Variants in MRPS30 observed in about 807,000 individuals in gnomAD.
The protein encoded by MRPS30 is mitochondrial ribosomal protein S30, also known as large ribosomal subunit protein mL65.
Under a neutral mutation model 43.8 loss-of-function variants are expected in MRPS30, and 42 were observed. That is an observed-to-expected ratio of 0.96 (90% confidence interval 0.75 to 1.24). The LOEUF (loss-of-function observed/expected upper bound fraction) is 1.24, where lower values mean the gene tolerates loss of function less well. Ranked by LOEUF, MRPS30 falls within the 50% of genes most tolerant of loss-of-function variation. The pLI, the probability that MRPS30 is intolerant of heterozygous loss-of-function variation, is 0.00. For missense variants in MRPS30, 638 were observed against 570.0 expected, an observed-to-expected ratio of 1.12 and a Z score of -1.22; for synonymous variants, 273 against 228.2, an observed-to-expected ratio of 1.20 and a Z score of -1.77.
At position 44,811,940 on chromosome 5, in the gene MRPS30, C is replaced by T. The variant is rs770954539; in HGVS notation, c.773C>T (p.Pro258Leu). ...TTTGTGCCATTGGATTATTCTGTTC[C>T]TATAGAAATCCCCACTATAAAATGT... The part of the protein sequence containing the change: ...AEFVPLDYSV[P>L]IEIPTIKCKP... The change falls in exon 3 of 5, where the codon CCT (proline) becomes CTT (leucine). Residue 258 changes from proline (P) to leucine (L), a missense_variant. Coordinates refer to ENST00000507110, the MANE Select transcript of MRPS30 (RefSeq NM_016640.4). The T allele has an allele frequency of 1.3e-6, 2 of 1,588,742 alleles. No individual in the cohort carries two copies. Among genetic ancestry groups the T allele is most frequent in the African/African-American group, 1.4e-5 (1 of 73,730 alleles).
At chr5:44,814,811 A>T in intron 4 of MRPS30, 102 bp from the exon 5 acceptor site, 1 of 1,045,714 alleles carries the variant, frequency 9.6e-7, no homozygotes, top group Non-Finnish European at 1.4e-6. Flanking sequence ...TAAAGTATCT[A>T]AGTTGTAGGA....
intron 2 of MRPS30, among the ~76,000 whole-genome samples, 196 bp downstream of exon 2, chr5:44,811,350 A>G (rs1742837151): frequency 6.6e-6 from 1 of 152,226 alleles, no homozygotes; most frequent in African/African-American, 2.4e-5. Context: ...TAAAGGTCAG[A>G]TAACCATTTT....
chr5:44,809,180 C>G lies in MRPS30; in HGVS notation c.218C>G (p.Ala73Gly), dbSNP rs764183423. The change falls in exon 1 of 5, where the codon GCG (alanine) becomes GGG (glycine). Residue 73 changes from alanine to glycine, a missense_variant. Ala to Gly is a moderately conservative substitution (Grantham distance 60). Transcript: ENST00000507110. Reference sequence around the variant, plus strand: ...CGCTGGCAGGCGACGGTGCACGCTGCGGAGTCGGTAGACGAGAAGCTGCGA... The same window carrying G: ...CGCTGGCAGGCGACGGTGCACGCTGGGGAGTCGGTAGACGAGAAGCTGCGA... ...IERWQATVHA[A>G]ESVDEKLRIL... 137 of 1,612,274 alleles carry G rather than the reference C, an allele frequency of 8.5e-5. No homozygotes were observed. Among genetic ancestry groups the G allele is most frequent in the Non-Finnish European group, 1.1e-4 (129 of 1,179,646 alleles).
At position 44,809,253 on chromosome 5, in the gene MRPS30, C is replaced by T; in HGVS notation, c.291C>T (p.Thr97=). 1 of 1,613,658 alleles carries T rather than the reference C, an allele frequency of 6.2e-7. No individual in the cohort carries two copies. The highest frequency in any genetic ancestry group is 8.5e-7 in the Non-Finnish European group (1 of 1,179,914). Residue 97 remains threonine, a synonymous_variant, in exon 1 of 5, where the codon ACC becomes ACT. Transcript: ENST00000507110. Reference sequence around the variant, plus strand: ...TGAAGTACATGGTTTACCCGCAGACCTTCGCGCTGAATGCCGACCGCTGGT... The same window carrying T: ...TGAAGTACATGGTTTACCCGCAGACTTTCGCGCTGAATGCCGACCGCTGGT... ...QFMKYMVYPQ[T]FALNADRWYQ...
Position 44,811,005 on chromosome 5 carries a change from A to G in MRPS30, c.602-4A>G, listed in dbSNP as rs1742830796. On this transcript the variant is annotated splice_region_variant and splice_polypyrimidine_tract_variant and intron_variant, in intron 1 of 4. Transcript: ENST00000507110. The stretch of plus-strand genomic sequence containing the variant: ...GAAAAAAATTTTGAATATCTTTTTG[A>G]TAGATTATAGATGCCCAGTTCATTT... 1 of 1,611,582 alleles carries G rather than the reference A, an allele frequency of 6.2e-7. No homozygotes were observed. The highest frequency in any genetic ancestry group is 1.3e-5 in the African/African-American group (1 of 74,748).
Position 44,809,313 on chromosome 5 carries a change from T to C in MRPS30, c.351T>C (p.Gly117=), listed in dbSNP as rs772371567. 1 of 1,612,412 alleles carries C rather than the reference T, an allele frequency of 6.2e-7. No homozygotes were observed. Among genetic ancestry groups the C allele is most frequent in the Non-Finnish European group, 8.5e-7 (1 of 1,179,540 alleles). Reference sequence around the variant, plus strand: ...TCACCAAGACCGTGTTCCTGTCGGGTCTGCCGCCGCCCCCAGCGGAGCCCG... The same window carrying C: ...TCACCAAGACCGTGTTCCTGTCGGGCCTGCCGCCGCCCCCAGCGGAGCCCG... ...QYFTKTVFLS[G]LPPPPAEPEP... Residue 117 remains glycine, a synonymous_variant, in exon 1 of 5, where the codon GGT becomes GGC. Transcript: ENST00000507110.
intron 1 of MRPS30, 104 bp from the exon 2 acceptor site, chr5:44,810,905 T>C: frequency 1.0e-6 from 1 of 999,744 alleles, no homozygotes; most frequent in Non-Finnish European, 1.5e-6. Flanking sequence ...ACCTCAATCA[T>C]TCCTAAGTTA....
chr5:44,815,130 T>C lies in MRPS30; in HGVS notation c.1248T>C (p.Asp416=). ...ATGATGTGAAAGGTTTTAATGATGATGTTCTACTTCAGATAGTTCACTTTC... is the reference window on the plus strand; with the variant it reads ...ATGATGTGAAAGGTTTTAATGATGACGTTCTACTTCAGATAGTTCACTTTC... ...EDNDVKGFND[D]VLLQIVHFLL... Residue 416 remains aspartate (D), a synonymous_variant, in exon 5 of 5, where the codon GAT becomes GAC. Transcript: ENST00000507110. The C allele has an allele frequency of 6.2e-7, 1 of 1,612,896 alleles. No homozygotes were observed. The highest frequency in any genetic ancestry group is 1.3e-5 in the African/African-American group (1 of 75,044).
rs1435804071 is a variant in MRPS30, at chr5:44,811,128, A to G, written c.721A>G (p.Ile241Val). 4 of 1,613,964 alleles carry G rather than the reference A, an allele frequency of 2.5e-6. No individual in the cohort carries two copies. The highest frequency in any genetic ancestry group is 3.4e-6 in the Non-Finnish European group (4 of 1,179,962). The change falls in exon 2 of 5, where the codon ATT becomes GTT. Residue 241 changes from isoleucine (I) to valine (V), a missense_variant. By Grantham distance (29) the Ile-to-Val change is conservative. Transcript: ENST00000507110. ...YQIDDKPNNQIRISKQLAEFV... is the reference protein window; with the variant it reads ...YQIDDKPNNQVRISKQLAEFV... ...GATAGATGATAAACCAAACAACCAG[A>G]TTCGAATATCCAAGCAACTCGCAGA...
chr5:44,813,265 C>T lies in MRPS30; in HGVS notation c.1013C>T (p.Ala338Val). ...AIASLFAWTG[A>V]QAMYQGFWSE... ...GCAAGCCTTTTTGCTTGGACTGGAG[C>T]ACAAGCTATGTATCAAGGTAAAAAT... Residue 338 changes from alanine to valine, a missense_variant, in exon 4 of 5, where the codon GCA becomes GTA. Ala to Val is a moderately conservative substitution (Grantham distance 64). Transcript: ENST00000507110. The T allele has an allele frequency of 6.2e-7, 1 of 1,600,908 alleles. No individual in the cohort carries two copies. Among genetic ancestry groups the T allele is most frequent in the Middle Eastern group, 1.7e-4 (1 of 6,018 alleles).
At chr5:44,811,846 C>A in intron 2 of MRPS30, 69 bp from the exon 3 acceptor site, 2 of 906,896 alleles carry the variant, frequency 2.2e-6, no homozygotes, top group Non-Finnish European at 3.2e-6. Context: ...ATTTTTAAAT[C>A]TAATGAGTGT....
intron 2 of MRPS30, among the ~76,000 whole-genome samples, chr5:44,811,614 T>A (rs1407343733): frequency 6.6e-6 from 1 of 152,182 alleles, no homozygotes; most frequent in African/African-American, 2.4e-5. Flanking sequence ...TCTGTAAAGA[T>A]CTGGATAGTT....
In MRPS30 at chr5:44,811,006, T is replaced by TGCCC. The variant is rs778151260; in HGVS notation, c.602-3_602-2insGCCC. ...AAAAAAATTTTGAATATCTTTTTGA[T>TGCCC]AGATTATAGATGCCCAGTTCATTTT... On this transcript the variant is annotated splice_region_variant and splice_polypyrimidine_tract_variant and intron_variant, in intron 1 of 4. Transcript: ENST00000507110. The TGCCC allele has an allele frequency of 5.0e-6, 8 of 1,612,362 alleles. No individual in the cohort carries two copies. The highest frequency in any genetic ancestry group is 5.9e-6 in the Non-Finnish European group (7 of 1,179,244).
Position 44,815,293 on chromosome 5 carries a change from C to T in MRPS30, c.*91C>T, listed in dbSNP as rs1474452270. ...ATTTGTAACTGTCAACTATTAAATA[C>T]ATTGATTTTTGAGACAAATATTTCT... On this transcript the variant is annotated 3_prime_UTR_variant, in exon 5 of 5. Coordinates refer to ENST00000507110, the MANE Select transcript of MRPS30 (RefSeq NM_016640.4). 5 of 1,176,696 alleles carry T rather than the reference C, an allele frequency of 4.2e-6. No homozygotes were observed. The highest frequency in any genetic ancestry group is 1.5e-5 in the African/African-American group (1 of 65,248). 72.9% of individuals were successfully genotyped at this position (1,176,696 alleles called of 1,614,324 possible).
Position 44,812,007 on chromosome 5 carries a change from C to T in MRPS30, c.840C>T (p.Asn280=). 6.3e-7 allele frequency: 1 copy of T among 1,585,628 alleles called. No individual in the cohort carries two copies. The highest frequency in any genetic ancestry group is 8.6e-7 in the Non-Finnish European group (1 of 1,162,344). ...CATTATTCAAACGGCAGTATGAAAA[C>T]CACATATTTGTTGGTAAGTTTCTCT... ...KLPLFKRQYE[N]HIFVGSKTAD... The change falls in exon 3 of 5, where the codon AAC becomes AAT. Residue 280 remains asparagine (N), a synonymous_variant. Transcript: ENST00000507110.
At position 44,811,111 on chromosome 5, in the gene MRPS30, A is replaced by G; in HGVS notation, c.704A>G (p.Asp235Gly). 4 of 1,614,128 alleles carry G rather than the reference A, an allele frequency of 2.5e-6. No homozygotes were observed. Among genetic ancestry groups the G allele is most frequent in the African/African-American group, 1.3e-5 (1 of 75,056 alleles). The change falls in exon 2 of 5, where the codon GAT becomes GGT. Residue 235 changes from aspartate (D) to glycine (G), a missense_variant. Transcript: ENST00000507110. The stretch of plus-strand genomic sequence containing the variant: ...GATGACTTGCGATACCAGATAGATG[A>G]TAAACCAAACAACCAGATTCGAATA... Reference protein sequence around the residue: ...RIDDLRYQIDDKPNNQIRISK... With the variant: ...RIDDLRYQIDGKPNNQIRISK...
intron 1 of MRPS30, 58 bp downstream of exon 1, chr5:44,809,621 C>A: frequency 6.9e-7 from 1 of 1,459,598 alleles, no homozygotes; most frequent in Non-Finnish European, 9.2e-7. Context: ...TACTGGGTTA[C>A]TCTGCCGCAG....
chr5:44,811,088 T>C lies in MRPS30; in HGVS notation c.681T>C (p.Asp227=), dbSNP rs1272190277. 9.9e-6 allele frequency: 16 copies of C among 1,613,980 alleles called. No homozygotes were observed. The highest frequency in any genetic ancestry group is 1.4e-5 in the Non-Finnish European group (16 of 1,179,964). Residue 227 remains aspartate (D), a synonymous_variant, in exon 2 of 5, where the codon GAT becomes GAC. Coordinates refer to ENST00000507110, the MANE Select transcript of MRPS30 (RefSeq NM_016640.4). ...GTGGTCATCGAAGAGGTCGAATTGA[T>C]GACTTGCGATACCAGATAGATGATA... ...IPRGHRRGRI[D]DLRYQIDDKP...
rs1334532217 is a variant in MRPS30 at position 44,812,033 on chromosome 5, T to C, written c.853+13T>C. 6.5e-7 allele frequency: 1 copy of C among 1,532,046 alleles called. No homozygotes were observed. The highest frequency in any genetic ancestry group is 8.9e-7 in the Non-Finnish European group (1 of 1,117,426). 94.9% of individuals were successfully genotyped at this position (1,532,046 alleles called of 1,614,324 possible). A position where few individuals can be genotyped will look rare whatever the true frequency, so the allele number is the denominator to read the frequency against. On this transcript the variant is annotated intron_variant, in intron 3 of 4. Transcript: ENST00000507110. ...CACATATTTGTTGGTAAGTTTCTCT[T>C]TTGACATATTGTACCATAAATGTGT...
Sources: gnomAD v4.1 joint callset for allele counts (sites outside exome capture counted in the v4.1 genomes callset) on GRCh38, gnomAD v4.1.1 for gene constraint, MANE v1.5 for transcripts, NCBI Gene and HGNC (gene_info 2026-07-23, HGNC 2026-07-21) for gene names.